The following PTK2B variants were observed in gnomAD, a reference collection of about 807,000 sequenced individuals.
The protein encoded by PTK2B is protein-tyrosine kinase 2-beta.
PTK2B carries 71 observed loss-of-function variants against 142.9 expected under a neutral mutation model. That is an observed-to-expected ratio of 0.50 (90% CI 0.41 to 0.61). PTK2B has a LOEUF of 0.61. Ranked by LOEUF, PTK2B falls within the 20% of genes least tolerant of loss-of-function variation. The pLI, the probability that PTK2B is intolerant of heterozygous loss-of-function variation, is 0.00. For synonymous variants in PTK2B, 519 were observed against 503.4 expected, an observed-to-expected ratio of 1.03 and a Z score of -0.42; for missense variants, 1,105 against 1,320.4, an observed-to-expected ratio of 0.84 and a Z score of 2.53.
intron 1 of PTK2B, among the ~76,000 whole-genome samples, chr8:27,344,636 C>T (rs1353983050): frequency 6.6e-6 from 1 of 152,276 alleles, no homozygotes; most frequent in South Asian, 2.1e-4. Flanking sequence ...TCCCACCCCT[C>T]GTCCGCTTGA....
intron 30 of PTK2B, among the ~76,000 whole-genome samples, 154 bp from the exon 31 acceptor site, chr8:27,458,140 G>A (rs538813867): frequency 2.8e-4 from 43 of 152,232 alleles, no homozygotes; most frequent in African/African-American, 8.7e-4. Flanking sequence ...ACCCTGCACG[G>A]GGTGTTGCAT....
chr8:27,357,987 G>T (rs1027051342), intron 1 of PTK2B, among the ~76,000 whole-genome samples: 3 of 152,272 alleles, frequency 2.0e-5, no homozygotes, highest in African/African-American at 7.2e-5. Flanking sequence ...TCTGTAAATT[G>T]GGGTTACTAG....
chr8:27,343,100 A>G (rs1011217150), intron 1 of PTK2B, among the ~76,000 whole-genome samples: 1 of 151,884 alleles, frequency 6.6e-6, no homozygotes, highest in Non-Finnish European at 1.5e-5. Context: ...GGGATCTACC[A>G]CCCCCAGAGC....
intron 5 of PTK2B, among the ~76,000 whole-genome samples, chr8:27,428,496 G>A (rs1364946179): frequency 1.3e-5 from 2 of 152,204 alleles, no homozygotes; most frequent in Non-Finnish European, 2.9e-5. Context: ...TAAGGGTAGG[G>A]AAGAACCCAT....
intron 30 of PTK2B, among the ~76,000 whole-genome samples, chr8:27,454,947 ATG>A (rs34291460): frequency 0.21 from 32,367 of 152,068 alleles, 4,021 homozygotes; most frequent in Middle Eastern, 0.31. Flanking sequence ...ATTAACATGG[ATG>A]TGTCATAGAA....
chr8:27,376,898 C>T (rs1433184130), intron 1 of PTK2B, among the ~76,000 whole-genome samples: 1 of 152,210 alleles, frequency 6.6e-6, no homozygotes. Flanking sequence ...TATTCCTTTA[C>T]TTTCTTAATA....
intron 23 of PTK2B, among the ~76,000 whole-genome samples, chr8:27,445,451 G>A (rs1811406728): frequency 6.6e-6 from 1 of 152,066 alleles, no homozygotes; most frequent in Non-Finnish European, 1.5e-5. Context: ...TGTATAAATT[G>A]GTGTGTTAAC....
At chr8:27,345,713 G>A (rs1051958266) in intron 1 of PTK2B, among the ~76,000 whole-genome samples, 2 of 152,228 alleles carry the variant, frequency 1.3e-5, no homozygotes, top group Admixed American at 6.5e-5. Context: ...GAGGAGATGA[G>A]AGGTAGGCAG....
intron 5 of PTK2B, among the ~76,000 whole-genome samples, chr8:27,428,234 G>A (rs992036174): frequency 1.3e-5 from 2 of 152,184 alleles, no homozygotes; most frequent in African/African-American, 4.8e-5. Flanking sequence ...TATAGCAAGT[G>A]ATGGGAGACA....
At chr8:27,428,161 G>C (rs1810198184) in intron 5 of PTK2B, among the ~76,000 whole-genome samples, 1 of 152,104 alleles carries the variant, frequency 6.6e-6, no homozygotes, top group Non-Finnish European at 1.5e-5. Flanking sequence ...TCACATACAT[G>C]GTTCACACTC....
intron 10 of PTK2B, among the ~76,000 whole-genome samples, chr8:27,432,738 C>G (rs567611431): frequency 6.8e-6 from 1 of 147,052 alleles, no homozygotes; most frequent in South Asian, 2.3e-4. Flanking sequence ...TTGTTTTTTA[C>G]AGTAAAACAC....
intron 1 of PTK2B, among the ~76,000 whole-genome samples, chr8:27,384,817 T>A (rs1807242274): frequency 6.6e-6 from 1 of 152,190 alleles, no homozygotes; most frequent in Admixed American, 6.5e-5. Context: ...CCAACATGCA[T>A]GTAAACAGGG....
intron 2 of PTK2B, among the ~76,000 whole-genome samples, chr8:27,411,654 A>G (rs6986526): frequency 0.025 from 3,814 of 152,280 alleles, 170 homozygotes; most frequent in African/African-American, 0.087. Context: ...TATGACTCCA[A>G]AGTTAGAGCT....
intron 1 of PTK2B, among the ~76,000 whole-genome samples, chr8:27,346,313 A>C (rs1174891471): frequency 6.6e-6 from 1 of 152,160 alleles, no homozygotes. Flanking sequence ...AGGTAGGCAG[A>C]TCGTTTGAAC....
chr8:27,387,870 C>T (rs1232966678), intron 1 of PTK2B, among the ~76,000 whole-genome samples: 12 of 150,674 alleles, frequency 8.0e-5, no homozygotes, highest in Non-Finnish European at 1.5e-4. Context: ...TCCCACTTCA[C>T]AAGTTGCGTT....
At chr8:27,349,390 C>T (rs979901549) in intron 1 of PTK2B, among the ~76,000 whole-genome samples, 1 of 152,178 alleles carries the variant, frequency 6.6e-6, no homozygotes, top group African/African-American at 2.4e-5. Flanking sequence ...CGTAATAAAC[C>T]ACATGGCATA....
At position 27,435,183 on chromosome 8, in the gene PTK2B, G is replaced by A. The variant is rs538490528; in HGVS notation, c.1193-560G>A. On this transcript the variant is annotated intron_variant, in intron 13 of 30. Coordinates refer to ENST00000346049, the MANE Select transcript of PTK2B (RefSeq NM_173176.3). ...GGTGCTGGCTGAGTCTGCATCTGGT[G>A]AGGGCTTTCATCCTCATTTGCAGAT... Among the ~76,000 whole-genome samples the A allele has an allele frequency of 5.3e-5, 8 of 152,348 alleles. No individual in the cohort carries two copies. The East Asian group carries it at 1.5e-3, about 29-fold the overall frequency.
At chr8:27,452,794 A>T (rs1811898823) in intron 27 of PTK2B, 1 of 349,380 alleles carries the variant, frequency 2.9e-6, no homozygotes, top group African/African-American at 2.1e-5. Context: ...TTCCTTTCAG[A>T]TCACCCAGTA....
intron 2 of PTK2B, among the ~76,000 whole-genome samples, chr8:27,415,354 T>C (rs1434750895): frequency 1.3e-5 from 2 of 152,296 alleles, no homozygotes; most frequent in African/African-American, 2.4e-5. Context: ...ACTTAAAAGG[T>C]ATTCTCTGCT....
Sources: gnomAD v4.1 joint callset for allele counts (sites outside exome capture counted in the v4.1 genomes callset) on GRCh38, gnomAD v4.1.1 for gene constraint, MANE v1.5 for transcripts, NCBI Gene and HGNC (gene_info 2026-07-23, HGNC 2026-07-21) for gene names.